SPMIP2: variants seen among roughly 807,000 people sequenced by gnomAD.
SPMIP2 encodes protein SPMIP2.
the SPMIP2 span, among the ~76,000 whole-genome samples, chr4:158,930,296 C>T: frequency 7.2e-5 from 11 of 151,788 alleles, no homozygotes; most frequent in Non-Finnish European, 1.5e-4. Flanking sequence ...AGTGAAGCCT[C>T]GACTTTCCAA....
the SPMIP2 span, among the ~76,000 whole-genome samples, chr4:158,994,733 G>A: frequency 1.3e-5 from 2 of 152,230 alleles, no homozygotes; most frequent in Admixed American, 1.3e-4. Flanking sequence ...GTAAAGGTCA[G>A]AGAGCGATGG....
chr4:158,974,741 C>T, the SPMIP2 span, among the ~76,000 whole-genome samples: 20 of 152,074 alleles, frequency 1.3e-4, no homozygotes, highest in Non-Finnish European at 2.6e-4. Flanking sequence ...CAAGTCTTTG[C>T]TACTGTGAAT....
the SPMIP2 span, chr4:158,937,461 T>G: frequency 2.6e-5 from 4 of 154,400 alleles, no homozygotes. Flanking sequence ...GAGATTTATC[T>G]AGAAGGCATG....
At chr4:159,013,191 C>G in the SPMIP2 span, among the ~76,000 whole-genome samples, 13 of 152,124 alleles carry the variant, frequency 8.5e-5, no homozygotes, top group Non-Finnish European at 1.2e-4. Flanking sequence ...TCCTCAAAAA[C>G]TTAAACAGAG....
the SPMIP2 span, among the ~76,000 whole-genome samples, chr4:158,966,970 T>G: frequency 6.6e-6 from 1 of 152,234 alleles, no homozygotes; most frequent in Non-Finnish European, 1.5e-5. Context: ...CACTTGAATG[T>G]GGCAGCATCG....
chr4:159,037,241 G>A, the SPMIP2 span, among the ~76,000 whole-genome samples: 4 of 152,130 alleles, frequency 2.6e-5, no homozygotes, highest in African/African-American at 7.2e-5. Flanking sequence ...AAATATGGGA[G>A]AAGAACCAGG....
At chr4:159,056,466 A>G in the SPMIP2 span, among the ~76,000 whole-genome samples, 1 of 152,200 alleles carries the variant, frequency 6.6e-6, no homozygotes, top group Admixed American at 6.5e-5. Flanking sequence ...AGCATAAAGT[A>G]TAAGACAGAA....
chr4:158,994,752 G>A, the SPMIP2 span, among the ~76,000 whole-genome samples: 4 of 152,064 alleles, frequency 2.6e-5, no homozygotes, highest in Non-Finnish European at 2.9e-5. Flanking sequence ...GGTGGGATTC[G>A]AACCTATGAA....
chr4:158,939,515 T>A, the SPMIP2 span, among the ~76,000 whole-genome samples: 1 of 152,236 alleles, frequency 6.6e-6, no homozygotes, highest in Non-Finnish European at 1.5e-5. Context: ...ATATTCAGTA[T>A]TCAAAAGTCT....
At chr4:159,072,451 CTTTTT>C in the SPMIP2 span, among the ~76,000 whole-genome samples, 4 of 69,130 alleles carry the variant, frequency 5.8e-5, no homozygotes. Context: ...CTTATGAATT[CTTTTT>C]TTTTTTTTTT....
chr4:158,950,939 T>A, the SPMIP2 span, among the ~76,000 whole-genome samples: 4 of 152,090 alleles, frequency 2.6e-5, no homozygotes, highest in Non-Finnish European at 4.4e-5. Context: ...TCTGTGGGAA[T>A]GTTAAAGGGT....
the SPMIP2 span, among the ~76,000 whole-genome samples, chr4:159,025,266 G>T: frequency 2.6e-5 from 4 of 152,186 alleles, no homozygotes; most frequent in Admixed American, 2.6e-4. Flanking sequence ...CTGGGTTCAA[G>T]CAATTCTCCT....
the SPMIP2 span, among the ~76,000 whole-genome samples, chr4:159,077,986 T>C: frequency 6.6e-6 from 1 of 152,062 alleles, no homozygotes; most frequent in Admixed American, 6.6e-5. Flanking sequence ...AGTTTATATA[T>C]AAATAACATA....
At chr4:159,013,675 G>A in the SPMIP2 span, among the ~76,000 whole-genome samples, 2 of 152,062 alleles carry the variant, frequency 1.3e-5, no homozygotes, top group Admixed American at 6.6e-5. Flanking sequence ...CTCCAAGTAC[G>A]GTCACACTGA....
chr4:158,981,024 G>A, the SPMIP2 span, among the ~76,000 whole-genome samples: 1 of 152,180 alleles, frequency 6.6e-6, no homozygotes, highest in African/African-American at 2.4e-5. Context: ...ACCTGATGGA[G>A]CTGAAAAACA....
At chr4:159,030,789 G>A in the SPMIP2 span, among the ~76,000 whole-genome samples, 1 of 151,942 alleles carries the variant, frequency 6.6e-6, no homozygotes, top group African/African-American at 2.4e-5. Context: ...GAGCCACCAC[G>A]TCCAGCCAAA....
chr4:158,927,801 C>T, the SPMIP2 span, among the ~76,000 whole-genome samples: 891 of 152,342 alleles, frequency 5.8e-3, 8 homozygotes, highest in East Asian at 0.019. Context: ...TCGGAGCAGC[C>T]GGCGGGCCCT....
the SPMIP2 span, among the ~76,000 whole-genome samples, chr4:159,000,023 T>G: frequency 6.6e-6 from 1 of 152,174 alleles, no homozygotes; most frequent in African/African-American, 2.4e-5. Flanking sequence ...TTCAATTTCT[T>G]TCTTTTTTTT....
At chr4:158,946,602 C>T in the SPMIP2 span, among the ~76,000 whole-genome samples, 2 of 152,194 alleles carry the variant, frequency 1.3e-5, no homozygotes, top group Admixed American at 1.3e-4. Context: ...TTTCCTGAGG[C>T]CTCCCCAGCC....
Sources: allele counts gnomAD v4.1 joint callset (sites outside exome capture counted in the v4.1 genomes callset), GRCh38; gene constraint gnomAD v4.1.1; transcripts MANE v1.5; gene names NCBI Gene and HGNC (gene_info 2026-07-23, HGNC 2026-07-21).